Variants in ITGAV observed in about 807,000 individuals in gnomAD.
ITGAV encodes the protein integrin subunit alpha V.
In ITGAV, 76 loss-of-function variants were observed where a neutral mutation model predicts 143.8. The observed-to-expected ratio is 0.53, with a 90% CI of 0.44 to 0.64. The LOEUF is 0.64. Ranked by LOEUF, ITGAV falls within the 30% of genes least tolerant of loss-of-function variation. The pLI, the probability that ITGAV is intolerant of heterozygous loss-of-function variation, is 0.00. For synonymous variants in ITGAV, 453 were observed against 446.7 expected (o/e 1.01, Z -0.18); for missense variants, 1,193 against 1,274.7 (o/e 0.94, Z 0.98).
At chr2:186,618,055 A>G (rs900253270) in intron 2 of ITGAV, among the ~76,000 whole-genome samples, 1 of 152,232 alleles carries the variant, frequency 6.6e-6, no homozygotes, top group African/African-American at 2.4e-5. Context: ...CACCCAGGTC[A>G]TGAATGAACT....
At chr2:186,668,965 GCC>G in intron 25 of ITGAV, 45 bp downstream of exon 25, 1 of 1,449,606 alleles carries the variant, frequency 6.9e-7, no homozygotes, top group Non-Finnish European at 9.4e-7. Flanking sequence ...ATATTTCATT[GCC>G]TTCTTTCTAA....
At chr2:186,615,680 G>GTT (rs148045979) in intron 2 of ITGAV, among the ~76,000 whole-genome samples, 6 of 143,310 alleles carry the variant, frequency 4.2e-5, no homozygotes, top group African/African-American at 1.5e-4. Flanking sequence ...GGAGTTTTTC[G>GTT]TTTTTTTTTT....
Position 186,656,301 on chromosome 2 carries a change from G to T in ITGAV, c.1619G>T (p.Arg540Leu). The part of the protein sequence containing the change: ...DKLKQKGAIR[R>L]ALFLYSRSPS... ...CTCAAGCAAAAGGGAGCAATTCGAC[G>T]AGCACTGTTTCTCTACAGCAGGTCC... The change falls in exon 17 of 30, where the codon CGA becomes CTA. Residue 540 changes from arginine to leucine, a missense_variant. Coordinates refer to ENST00000261023, the MANE Select transcript of ITGAV (RefSeq NM_002210.5). 1 of 1,586,692 alleles carries T rather than the reference G, an allele frequency of 6.3e-7. No homozygotes were observed. Among genetic ancestry groups the T allele is most frequent in the Non-Finnish European group, 8.5e-7 (1 of 1,170,112 alleles).
chr2:186,636,343 C>G, intron 7 of ITGAV, 136 bp downstream of exon 7: 1 of 670,858 alleles, frequency 1.5e-6, no homozygotes. Flanking sequence ...TATACAATTT[C>G]AAATTGTTAA....
At chr2:186,614,743 C>G (rs1286904116) in intron 2 of ITGAV, among the ~76,000 whole-genome samples, 1 of 151,700 alleles carries the variant, frequency 6.6e-6, no homozygotes, top group Non-Finnish European at 1.5e-5. Flanking sequence ...ACTCTTCTGA[C>G]ACATCTATTT....
At chr2:186,595,777 G>A (rs764596044) in intron 1 of ITGAV, among the ~76,000 whole-genome samples, 1 of 151,916 alleles carries the variant, frequency 6.6e-6, no homozygotes, top group Non-Finnish European at 1.5e-5. Context: ...AGAGAGTTGC[G>A]GGCATAGGAA....
At chr2:186,600,452 A>T in intron 1 of ITGAV, 2 of 1,530,436 alleles carry the variant, frequency 1.3e-6, no homozygotes, top group Non-Finnish European at 1.8e-6. Context: ...TTCTTTAAAG[A>T]TGATTTCCTT....
At chr2:186,600,959 C>CAAAAAA (rs556490103) in intron 1 of ITGAV, among the ~76,000 whole-genome samples, 2 of 93,070 alleles carry the variant, frequency 2.1e-5, no homozygotes, top group African/African-American at 7.6e-5. Flanking sequence ...GACTCTGTCT[C>CAAAAAA]AAAAAAAAAA....
intron 10 of ITGAV, among the ~76,000 whole-genome samples, 159 bp downstream of exon 10, chr2:186,638,624 T>C (rs559581230): frequency 9.3e-5 from 11 of 118,236 alleles, no homozygotes; most frequent in African/African-American, 3.3e-4. Context: ...ATCATTTCTC[T>C]TTTGAGCGTG....
intron 16 of ITGAV, 72 bp from the exon 17 acceptor site, chr2:186,656,175 T>C (rs1688577023): frequency 8.7e-7 from 1 of 1,146,544 alleles, no homozygotes; most frequent in Non-Finnish European, 1.2e-6. Context: ...TCTGTTTACA[T>C]GAAAACTCTA....
At position 186,625,455 on chromosome 2, in the gene ITGAV, CT is replaced by C. The variant is rs1687645971; in HGVS notation, c.409-17del. The C allele has an allele frequency of 6.4e-7, 1 of 1,559,802 alleles. No homozygotes were observed. On this transcript the variant is annotated splice_polypyrimidine_tract_variant and intron_variant, in intron 3 of 29. Transcript: ENST00000261023. ...TTTTAGAAAATCTTCGTGTCGTGGA[CT>C]AAACCTTTGATTTTAGGCCTGTGCC...
At chr2:186,629,545 C>A in intron 4 of ITGAV, among the ~76,000 whole-genome samples, 1 of 150,870 alleles carries the variant, frequency 6.6e-6, no homozygotes, top group South Asian at 2.1e-4. Context: ...ATTGGTTTAG[C>A]ATTATACTCT....
intron 2 of ITGAV, among the ~76,000 whole-genome samples, chr2:186,616,638 C>A (rs191688372): frequency 1.3e-5 from 2 of 152,160 alleles, no homozygotes; most frequent in Non-Finnish European, 2.9e-5. Flanking sequence ...CAGTAGTTGT[C>A]TGACCTCCAA....
At chr2:186,645,862 A>T (rs1353339314) in intron 12 of ITGAV, among the ~76,000 whole-genome samples, 3 of 151,986 alleles carry the variant, frequency 2.0e-5, no homozygotes, top group Admixed American at 2.0e-4. Flanking sequence ...GTCCTAGCTA[A>T]TCGGGAGGCT....
chr2:186,591,079 T>C (rs1686604146), intron 1 of ITGAV, among the ~76,000 whole-genome samples: 1 of 152,200 alleles, frequency 6.6e-6, no homozygotes, highest in Non-Finnish European at 1.5e-5. Flanking sequence ...ATTGAATTCA[T>C]TGTGTCTTAT....
At chr2:186,618,132 C>T (rs1687420608) in intron 2 of ITGAV, among the ~76,000 whole-genome samples, 1 of 152,174 alleles carries the variant, frequency 6.6e-6, no homozygotes, top group South Asian at 2.1e-4. Flanking sequence ...TTTACACTTC[C>T]TCTGGGTGAA....
chr2:186,672,619 AATC>A (rs1689097833), intron 26 of ITGAV, among the ~76,000 whole-genome samples: 1 of 152,202 alleles, frequency 6.6e-6, no homozygotes, highest in South Asian at 2.1e-4. Flanking sequence ...AAATTTTTAT[AATC>A]ATCCTGGTTG....
rs536346342 is a variant in ITGAV at position 186,635,720 on chromosome 2, G to A, written c.632-362G>A. 3.3e-5 allele frequency among the ~76,000 whole-genome samples: 5 copies of A among 152,240 alleles called. No homozygotes were observed. The East Asian group carries it at 9.6e-4, about 29-fold the overall frequency. Reference sequence around the variant, plus strand: ...AAATATCAATTGAACCAATTATTCTGATTATAAAAGTAACAGTATTGTTTC... The same window carrying A: ...AAATATCAATTGAACCAATTATTCTAATTATAAAAGTAACAGTATTGTTTC... On this transcript the variant is annotated intron_variant, in intron 6 of 29. Transcript: ENST00000261023.
intron 1 of ITGAV, 69 bp downstream of exon 1, chr2:186,590,592 C>T (rs1686590086): frequency 2.1e-6 from 3 of 1,414,662 alleles, no homozygotes; most frequent in African/African-American, 2.9e-5. Flanking sequence ...AGCGTTTCTC[C>T]ATTGGGATTG....
Sources: gnomAD v4.1 joint callset for allele counts (sites outside exome capture counted in the v4.1 genomes callset) on GRCh38, gnomAD v4.1.1 for gene constraint, MANE v1.5 for transcripts, NCBI Gene and HGNC (gene_info 2026-07-23, HGNC 2026-07-21) for gene names.